Variants in AAR2 observed in about 807,000 individuals in gnomAD.
The protein encoded by AAR2 is AAR2 splicing factor.
In AAR2, 31 loss-of-function variants were observed where a neutral mutation model predicts 26.9. The observed-to-expected ratio is 1.15, with a 90% CI of 0.86 to 1.55. The LOEUF is 1.55. Ranked by LOEUF, AAR2 falls within the 40% of genes most tolerant of loss-of-function variation. AAR2 has a pLI of 0.00. For missense variants in AAR2, 430 were observed against 491.3 expected, an observed-to-expected ratio of 0.88 and a Z score of 1.18; for synonymous variants, 188 against 196.1, an observed-to-expected ratio of 0.96 and a Z score of 0.34.
At position 36,255,780 on chromosome 20, in the gene AAR2, C is replaced by T. The variant is rs2064816327; in HGVS notation, c.*35C>T. The stretch of plus-strand genomic sequence containing the variant: ...CGCTCTCAGCTGCGAGGGGCCCCTT[C>T]CCACAGGGCTGCAGTCCTGGCCTCT... On this transcript the variant is annotated 3_prime_UTR_variant, in exon 4 of 4. Coordinates refer to ENST00000320849, the MANE Select transcript of AAR2 (RefSeq NM_001271874.2). 1 of 1,612,424 alleles carries T rather than the reference C, an allele frequency of 6.2e-7. No homozygotes were observed. The highest frequency in any genetic ancestry group is 8.5e-7 in the Non-Finnish European group (1 of 1,178,952).
Position 36,244,824 on chromosome 20 carries a change from C to T in AAR2, c.885C>T (p.Tyr295=), listed in dbSNP as rs138478673. ...EAAMMKHHTL[Y]INLISILYHQ... is the part of the protein sequence containing the mutation. ...CCATGATGAAGCACCACACCCTCTACATCAACCTCATCTCCATCCTGTACC... is the reference window on the plus strand; with the variant it reads ...CCATGATGAAGCACCACACCCTCTATATCAACCTCATCTCCATCCTGTACC... The change falls in exon 3 of 4, where the codon TAC becomes TAT. Residue 295 remains tyrosine (Y), a synonymous_variant. Coordinates refer to ENST00000320849, the MANE Select transcript of AAR2 (RefSeq NM_001271874.2). The T allele has an allele frequency of 2.2e-4, 353 of 1,614,214 alleles. No individual in the cohort carries two copies. In the African/African-American group the frequency reaches 4.2e-3, roughly 19 times the overall value.
At chr20:36,245,704 G>A (rs182759951) in intron 3 of AAR2, among the ~76,000 whole-genome samples, 254 of 152,288 alleles carry the variant, frequency 1.7e-3, no homozygotes, top group Non-Finnish European at 2.8e-3. Context: ...TCCCACTCGG[G>A]GTAACAGAAG....
intron 3 of AAR2, among the ~76,000 whole-genome samples, chr20:36,247,559 T>TAA (rs61614261): frequency 6.7e-6 from 1 of 149,632 alleles, no homozygotes; most frequent in African/African-American, 2.4e-5. Flanking sequence ...TCATGCTTTT[T>TAA]AAAAAAAAAA....
At position 36,255,684 on chromosome 20, in the gene AAR2, C is replaced by A. The variant is rs747683964; in HGVS notation, c.1094C>A (p.Ala365Glu). ...LTKKFRWDFA[A>E]EPEDCAPVVV... ...AAGAAGTTCCGGTGGGACTTTGCTG[C>A]GGAACCTGAGGACTGTGCCCCGGTG... The change falls in exon 4 of 4, where the codon GCG becomes GAG. Residue 365 changes from alanine to glutamate, a missense_variant. Transcript: ENST00000320849. 1 of 1,614,012 alleles carries A rather than the reference C, an allele frequency of 6.2e-7. No homozygotes were observed. The highest frequency in any genetic ancestry group is 2.2e-5 in the East Asian group (1 of 44,888).
chr20:36,254,082 A>T (rs180935943), intron 3 of AAR2, among the ~76,000 whole-genome samples: 47 of 152,182 alleles, frequency 3.1e-4, no homozygotes, highest in African/African-American at 1.1e-3. Context: ...CAACAGCTCC[A>T]CTCCTGGGTT....
chr20:36,247,586 G>A (rs2064746291), intron 3 of AAR2, among the ~76,000 whole-genome samples: 1 of 152,130 alleles, frequency 6.6e-6, no homozygotes, highest in African/African-American at 2.4e-5. Flanking sequence ...GTAAAAAACA[G>A]CTGGTCCATG....
intron 3 of AAR2, among the ~76,000 whole-genome samples, chr20:36,249,971 G>A (rs778947588): frequency 3.3e-5 from 5 of 152,090 alleles, no homozygotes; most frequent in Non-Finnish European, 5.9e-5. Context: ...TGCTGCAAGT[G>A]GAAACAAAAT....
At chr20:36,246,964 G>T (rs2064740182) in intron 3 of AAR2, among the ~76,000 whole-genome samples, 2 of 152,198 alleles carry the variant, frequency 1.3e-5, no homozygotes, top group African/African-American at 2.4e-5. Context: ...AGTTAGCCAG[G>T]GTTCCTGCCC....
At chr20:36,252,358 C>T (rs1393265253) in intron 3 of AAR2, among the ~76,000 whole-genome samples, 2 of 152,146 alleles carry the variant, frequency 1.3e-5, no homozygotes, top group African/African-American at 4.8e-5. Flanking sequence ...GGGCGCTGTG[C>T]CGAGAGTGGA....
chr20:36,242,293 T>C (rs894733386), intron 2 of AAR2, among the ~76,000 whole-genome samples: 1 of 151,256 alleles, frequency 6.6e-6, no homozygotes, highest in African/African-American at 2.4e-5. Flanking sequence ...CTGGGATTAC[T>C]GTGCCTAGAC....
chr20:36,255,528 C>A (rs376903981), intron 3 of AAR2, 50 bp from the exon 4 acceptor site: 22 of 1,602,180 alleles, frequency 1.4e-5, no homozygotes, highest in Non-Finnish European at 1.7e-5. Context: ...AGCTTTCTCG[C>A]CCCCTGCCCT....
intron 3 of AAR2, among the ~76,000 whole-genome samples, chr20:36,247,899 TAAA>T (rs113331497): frequency 2.6e-5 from 4 of 151,184 alleles, no homozygotes; most frequent in Non-Finnish European, 5.9e-5. Flanking sequence ...AAAATTGTGG[TAAA>T]AAAAAACACA....
chr20:36,237,650 A>G (rs1407632551), intron 1 of AAR2, among the ~76,000 whole-genome samples: 1 of 152,124 alleles, frequency 6.6e-6, no homozygotes, highest in Non-Finnish European at 1.5e-5. Context: ...CACAAGGGAA[A>G]ATGGCTAATT....
chr20:36,236,796 C>T (rs1255548057), intron 1 of AAR2: 1 of 152,266 alleles, frequency 6.6e-6, no homozygotes, highest in African/African-American at 2.4e-5. Context: ...AGGTCTTTCC[C>T]CGAACTGAGG....
intron 3 of AAR2, among the ~76,000 whole-genome samples, chr20:36,251,419 G>A (rs550563374): frequency 6.6e-6 from 1 of 151,684 alleles, no homozygotes; most frequent in Non-Finnish European, 1.5e-5. Flanking sequence ...CCACAATAAG[G>A]TTGATTTTTT....
rs754053467 is a variant in AAR2, at chr20:36,240,053, C to T, written c.185C>T (p.Ser62Phe). The part of the protein sequence containing the change: ...PPGIHFLHYS[S>F]VDKANPKEVG... ...GGCATCCACTTCCTCCACTACAGCT[C>T]TGTGGACAAGGCTAATCCGAAGGAA... Residue 62 changes from serine to phenylalanine, a missense_variant, in exon 2 of 4, where the codon TCT becomes TTT. Transcript: ENST00000320849. 6.2e-7 allele frequency: 1 copy of T among 1,614,232 alleles called. No homozygotes were observed. Among genetic ancestry groups the T allele is most frequent in the East Asian group, 2.2e-5 (1 of 44,882 alleles).
At chr20:36,249,429 A>T (rs2064764234) in intron 3 of AAR2, among the ~76,000 whole-genome samples, 1 of 152,262 alleles carries the variant, frequency 6.6e-6, no homozygotes, top group Admixed American at 6.5e-5. Flanking sequence ...ATTACGTAGT[A>T]CTTAGGCATA....
At chr20:36,248,119 C>G (rs1486095768) in intron 3 of AAR2, among the ~76,000 whole-genome samples, 2 of 152,184 alleles carry the variant, frequency 1.3e-5, no homozygotes, top group Non-Finnish European at 2.9e-5. Flanking sequence ...CAAGGCATCC[C>G]TCTCTGTCAA....
rs1220496596 is a variant in AAR2 at position 36,239,816 on chromosome 20, CTCAGCTGTTCA to C, written c.-48-1_-39del. 6.6e-7 allele frequency: 1 copy of C among 1,512,650 alleles called. No homozygotes were observed. Among genetic ancestry groups the C allele is most frequent in the Non-Finnish European group, 8.8e-7 (1 of 1,130,220 alleles). 93.7% of individuals were successfully genotyped at this position (1,512,650 alleles called of 1,614,324 possible). On this transcript the variant is annotated splice_acceptor_variant and splice_polypyrimidine_tract_variant and 5_prime_UTR_variant and intron_variant, in exon 2 of 4. Coordinates refer to ENST00000320849, the MANE Select transcript of AAR2 (RefSeq NM_001271874.2). LOFTEE classifies it low-confidence loss of function (5UTR_SPLICE). ...CTGATTAACTCTGGTTTCTTTCTTT[CTCAGCTGTTCA>C]TCAAAGAAAAAGGGTTCTTTTGGTC...
Sources: gnomAD v4.1 joint callset for allele counts (sites outside exome capture counted in the v4.1 genomes callset) on GRCh38, gnomAD v4.1.1 for gene constraint, MANE v1.5 for transcripts, NCBI Gene and HGNC (gene_info 2026-07-23, HGNC 2026-07-21) for gene names.